Variants in ATP13A3 observed in about 807,000 individuals in gnomAD.
ATP13A3 encodes ATPase 13A3.
ATP13A3 carries 59 observed loss-of-function variants against 158.1 expected under a neutral mutation model. The observed-to-expected ratio is 0.37, with a 90% CI of 0.30 to 0.46. The LOEUF is 0.46. Ranked by LOEUF, ATP13A3 falls within the 20% of genes least tolerant of loss-of-function variation. ATP13A3 has a pLI of 1.00. For missense variants in ATP13A3, 1,166 were observed against 1,525.2 expected (o/e 0.76, Z 3.92); for synonymous variants, 491 against 504.3 (o/e 0.97, Z 0.35).
At chr3:194,485,684 G>C (rs956654192) in intron 2 of ATP13A3, 110 bp downstream of exon 2, 8 of 152,166 alleles carry the variant, frequency 5.3e-5, no homozygotes, top group African/African-American at 1.9e-4. Context: ...ACACAAGTCT[G>C]TTTCTAGGTG....
chr3:194,410,313 A>AAAAAC (rs1715286410), intron 33 of ATP13A3, among the ~76,000 whole-genome samples: 2 of 142,522 alleles, frequency 1.4e-5, no homozygotes, highest in Non-Finnish European at 3.0e-5. Flanking sequence ...AAAAAAAAAA[A>AAAAAC]AAAAAAAAAA....
chr3:194,431,959 T>C, intron 21 of ATP13A3, 67 bp from the exon 22 acceptor site: 1 of 1,294,388 alleles, frequency 7.7e-7, no homozygotes. Flanking sequence ...AAACATGTAC[T>C]TGCTGAGAAT....
At chr3:194,489,729 T>TG (rs1721123667), upstream of ATP13A3, among the ~76,000 whole-genome samples, 1 of 152,142 alleles carries the variant, frequency 6.6e-6, no homozygotes, top group Non-Finnish European at 1.5e-5. This position sits in a 1 kb window ranked among gnomAD's most constrained non-coding sequence, Gnocchi z 4.1. Context: ...GAAAAGCAGT[T>TG]GGATATTCCA....
At chr3:194,437,260 C>T (rs1042065551) in intron 19 of ATP13A3, 45 bp from the exon 20 acceptor site, 17 of 1,613,766 alleles carry the variant, frequency 1.1e-5, no homozygotes, top group Non-Finnish European at 1.4e-5. Context: ...GTTGCTAATA[C>T]AAGTTTACTC....
chr3:194,407,884 T>C (rs920397332), intron 33 of ATP13A3, among the ~76,000 whole-genome samples: 5 of 152,198 alleles, frequency 3.3e-5, no homozygotes, highest in African/African-American at 4.8e-5. Context: ...CTTTCCAGTA[T>C]AGGCACACAA....
In ATP13A3 at chr3:194,450,229, C is replaced by A; in HGVS notation, c.886G>T (p.Val296Phe). The change falls in exon 11 of 34, where the codon GTC becomes TTC. Residue 296 changes from valine (V) to phenylalanine (F), a missense_variant. Around this residue, in one of 3 missense-constraint regions of ATP13A3, gnomAD observed 997 missense variants for 1,341.2 expected, o/e 0.74. Coordinates refer to ENST00000645319, the MANE Select transcript of ATP13A3 (RefSeq NM_001367549.1). ...STDLVPGDVM[V>F]IPLNGTIMPC... ...ATTATTGTCCCATTTAATGGAATGACCATGACATCTCCTGGCACAAGGTCG... is the reference window on the plus strand; with the variant it reads ...ATTATTGTCCCATTTAATGGAATGAACATGACATCTCCTGGCACAAGGTCG... 1 of 1,613,300 alleles carries A rather than the reference C, an allele frequency of 6.2e-7. No homozygotes were observed.
chr3:194,407,108 TG>T (rs535027723), intron 33 of ATP13A3, among the ~76,000 whole-genome samples: 133 of 152,328 alleles, frequency 8.7e-4, no homozygotes, highest in African/African-American at 3.1e-3. Flanking sequence ...CCTCAGAATT[TG>T]TCTCAATTGA....
chr3:194,420,089 G>A (rs552658780), intron 30 of ATP13A3, 122 bp from the exon 31 acceptor site: 87 of 1,109,686 alleles, frequency 7.8e-5, no homozygotes, highest in Non-Finnish European at 1.0e-4. Flanking sequence ...CACTTCAGTT[G>A]ATGGAATAAA....
chr3:194,488,936 G>C (rs114440611), upstream of ATP13A3, among the ~76,000 whole-genome samples: 1,056 of 152,298 alleles, frequency 6.9e-3, 2 homozygotes, highest in Middle Eastern at 0.031. This position sits in a 1 kb window ranked among gnomAD's most constrained non-coding sequence, Gnocchi z 4.1. Flanking sequence ...CTGCCAGGCA[G>C]CTCTAGCTAG....
At chr3:194,469,104 G>A (rs1269481326) in intron 2 of ATP13A3, among the ~76,000 whole-genome samples, 1 of 151,142 alleles carries the variant, frequency 6.6e-6, no homozygotes, top group African/African-American at 2.4e-5. Context: ...CTGCACTCCA[G>A]CCAGCATGAC....
chr3:194,477,944 T>C (rs1381200154), intron 2 of ATP13A3, among the ~76,000 whole-genome samples: 1 of 152,170 alleles, frequency 6.6e-6, no homozygotes, highest in African/African-American at 2.4e-5. Flanking sequence ...TGGTTAATTC[T>C]TCAGCAGACA....
chr3:194,442,240 T>C (rs139003287), intron 15 of ATP13A3, among the ~76,000 whole-genome samples: 3 of 152,288 alleles, frequency 2.0e-5, no homozygotes, highest in East Asian at 3.9e-4. Context: ...GTCCATAATT[T>C]AAAGATGCGC....
Position 194,448,641 on chromosome 3 carries a change from A to G in ATP13A3, c.971-5T>C. The G allele has an allele frequency of 6.2e-7, 1 of 1,604,234 alleles. No homozygotes were observed. The highest frequency in any genetic ancestry group is 8.5e-7 in the Non-Finnish European group (1 of 1,175,978). On this transcript the variant is annotated splice_region_variant and splice_polypyrimidine_tract_variant and intron_variant, in intron 11 of 33. Transcript: ENST00000645319. The surrounding 1 kb of genome is among the most constrained non-coding windows in gnomAD (Gnocchi z 4.0). ...TTGTCACTGGAACACTTTCTCCTTT[A>G]AAAAACAACAACAACAACAAAAACA... is the stretch of plus-strand genomic sequence containing the variant.
intron 31 of ATP13A3, among the ~76,000 whole-genome samples, chr3:194,417,439 AC>A (rs1577029848): frequency 6.6e-6 from 1 of 151,200 alleles, no homozygotes; most frequent in African/African-American, 2.4e-5. Context: ...ACACACACAC[AC>A]ACACAAAAGG....
intron 2 of ATP13A3, among the ~76,000 whole-genome samples, chr3:194,465,086 A>C (rs959574276): frequency 6.6e-6 from 1 of 152,202 alleles, no homozygotes; most frequent in African/African-American, 2.4e-5. Context: ...ACAACAAAAT[A>C]CATAATGGTT....
chr3:194,431,301 G>C, intron 22 of ATP13A3, 75 bp from the exon 23 acceptor site: 5 of 1,440,108 alleles, frequency 3.5e-6, no homozygotes, highest in Non-Finnish European at 1.9e-6. Context: ...AAACATATTT[G>C]TTCTAAAACT....
chr3:194,491,362 C>A (rs1318909064), upstream of ATP13A3, among the ~76,000 whole-genome samples: 1 of 152,136 alleles, frequency 6.6e-6, no homozygotes, highest in Non-Finnish European at 1.5e-5. Context: ...AGCCCAAAAC[C>A]TGGGAGTCAT....
chr3:194,464,276 AC>A (rs1280961237), intron 2 of ATP13A3, among the ~76,000 whole-genome samples: 1 of 152,190 alleles, frequency 6.6e-6, no homozygotes, highest in Non-Finnish European at 1.5e-5. Context: ...AAAATAAATA[AC>A]CAGTAAGATA....
At chr3:194,478,765 G>A (rs923217598) in intron 2 of ATP13A3, among the ~76,000 whole-genome samples, 4 of 152,176 alleles carry the variant, frequency 2.6e-5, no homozygotes, top group South Asian at 2.1e-4. Flanking sequence ...AGAATACAAC[G>A]TGAATGGTAT....
Sources: gnomAD v4.1 joint callset for allele counts (sites outside exome capture counted in the v4.1 genomes callset) on GRCh38, gnomAD v4.1.1 for gene constraint, gnomAD v4.1.1 regional missense constraint, Gnocchi (gnomAD v3.1) non-coding constraint, MANE v1.5 for transcripts, NCBI Gene and HGNC (gene_info 2026-07-23, HGNC 2026-07-21) for gene names.